The following GPAT3 variants were observed in gnomAD, a reference collection of about 807,000 sequenced individuals.
GPAT3 encodes the protein glycerol-3-phosphate acyltransferase 3.
GPAT3 carries 53 observed loss-of-function variants against 58.8 expected under a neutral mutation model. That is an observed-to-expected ratio of 0.90 (90% confidence interval 0.72 to 1.13). GPAT3 has a LOEUF of 1.13. GPAT3 is among the 50% of genes most tolerant of loss of function. The probability of loss-of-function intolerance (pLI) is 0.00; values close to 1 mark genes in which losing one functional copy is unlikely to be tolerated. For missense variants in GPAT3, 511 were observed against 527.6 expected, an observed-to-expected ratio of 0.97 and a Z score of 0.31; for synonymous variants, 197 against 187.4, an observed-to-expected ratio of 1.05 and a Z score of -0.42.
At chr4:83,596,756 T>G (rs73830724) in intron 7 of GPAT3, 102 bp from the exon 8 acceptor site, 1 of 877,414 alleles carries the variant, frequency 1.1e-6, no homozygotes, top group African/African-American at 1.7e-5. Flanking sequence ...TATTTTCTCC[T>G]TATTGCTTCA....
intron 2 of GPAT3, among the ~76,000 whole-genome samples, chr4:83,574,461 C>T (rs1445913063): frequency 6.6e-6 from 1 of 151,786 alleles, no homozygotes; most frequent in Admixed American, 6.6e-5. Context: ...CACAGGGGCA[C>T]AGGGCAGCTT....
chr4:83,575,823 A>G (rs1029093440), intron 2 of GPAT3, among the ~76,000 whole-genome samples: 3 of 152,246 alleles, frequency 2.0e-5, no homozygotes, highest in African/African-American at 7.2e-5. Flanking sequence ...TCTTAGGGAC[A>G]ACTGTCAGTT....
intron 3 of GPAT3, among the ~76,000 whole-genome samples, chr4:83,584,579 C>T (rs1726294771): frequency 6.6e-6 from 1 of 152,176 alleles, no homozygotes. Context: ...AATCTTGGGT[C>T]ACTGCAACCT....
chr4:83,557,053 A>G (rs547164553), intron 2 of GPAT3, among the ~76,000 whole-genome samples: 57 of 152,110 alleles, frequency 3.7e-4, no homozygotes, highest in Non-Finnish European at 7.4e-4. Context: ...TGAGGGCTCC[A>G]CCCTCATGAT....
chr4:83,544,023 C>T (rs556983151), intron 1 of GPAT3, among the ~76,000 whole-genome samples: 4 of 152,268 alleles, frequency 2.6e-5, no homozygotes, highest in Middle Eastern at 3.4e-3. Context: ...CATCTTTGAG[C>T]GTGTCCTACC....
chr4:83,604,587 A>G, intron 11 of GPAT3, 81 bp from the exon 12 acceptor site: 1 of 1,105,546 alleles, frequency 9.0e-7, no homozygotes. Context: ...TCATGGTATC[A>G]TGCAGCATGT....
chr4:83,588,349 G>A, intron 5 of GPAT3, 50 bp downstream of exon 5: 1 of 1,541,218 alleles, frequency 6.5e-7, no homozygotes, highest in Non-Finnish European at 9.0e-7. Flanking sequence ...AATTCAGCAT[G>A]AGATTGACAA....
intron 2 of GPAT3, among the ~76,000 whole-genome samples, chr4:83,560,282 A>T (rs1446656086): frequency 6.6e-6 from 1 of 152,188 alleles, no homozygotes; most frequent in Non-Finnish European, 1.5e-5. Context: ...AGCAAGAGGA[A>T]AGTGCAATGT....
At chr4:83,587,099 G>A (rs969567116) in intron 3 of GPAT3, among the ~76,000 whole-genome samples, 156 bp from the exon 4 acceptor site, 2 of 152,158 alleles carry the variant, frequency 1.3e-5, no homozygotes, top group South Asian at 2.1e-4. Flanking sequence ...TTCCGTGTTA[G>A]ATCTATATAG....
chr4:83,598,535 G>C, intron 10 of GPAT3, 109 bp from the exon 11 acceptor site: 3 of 967,718 alleles, frequency 3.1e-6, no homozygotes, highest in Non-Finnish European at 4.9e-6. Context: ...GAAAGCATTT[G>C]AGCTGAAATA....
Position 83,556,245 on chromosome 4 carries a change from T to C in GPAT3, c.208+11643T>C, listed in dbSNP as rs7683182. ...TTAATGTGGGCTGCCAGCCAAGATG[T>C]AGGTCAAGAGTGGGTTGTTAAAATG... On this transcript the variant is annotated intron_variant, in intron 2 of 11. Coordinates refer to ENST00000264409, the MANE Select transcript of GPAT3 (RefSeq NM_032717.5). Among the ~76,000 whole-genome samples, 365 of 152,316 alleles carry C rather than the reference T, an allele frequency of 2.4e-3. 2 individuals are homozygous for C. The highest frequency in any genetic ancestry group is 8.0e-3 in the African/African-American group (334 of 41,572).
At position 83,589,296 on chromosome 4, in the gene GPAT3, T is replaced by A. The variant is rs151281619; in HGVS notation, c.645-903T>A. ...TTCTCTGTATAGGCCCAAAGAAAAC[T>A]ACTTTGCTTTATTGGTGTCAAATAC... On this transcript the variant is annotated intron_variant, in intron 5 of 11. Transcript: ENST00000264409. 1.2e-3 allele frequency among the ~76,000 whole-genome samples: 185 copies of A among 152,352 alleles called. No individual in the cohort carries two copies. In the Middle Eastern group the frequency reaches 0.017, roughly 14 times the overall value.
chr4:83,594,995 A>G (rs749147040), intron 7 of GPAT3, 35 bp downstream of exon 7: 2 of 1,583,704 alleles, frequency 1.3e-6, no homozygotes, highest in South Asian at 2.2e-5. Flanking sequence ...TCACTGGAGT[A>G]GCATAAAAGC....
chr4:83,574,395 A>C (rs536729052), intron 2 of GPAT3, among the ~76,000 whole-genome samples: 55 of 152,270 alleles, frequency 3.6e-4, no homozygotes, highest in African/African-American at 1.3e-3. Context: ...TTCTGCCTTC[A>C]TTTCCACAGG....
intron 6 of GPAT3, among the ~76,000 whole-genome samples, chr4:83,593,166 CTTTT>C (rs761351611): frequency 8.9e-6 from 1 of 112,352 alleles, no homozygotes; most frequent in Non-Finnish European, 1.8e-5. Context: ...CGAGCCAGGA[CTTTT>C]TTTTTTTTTT....
intron 3 of GPAT3, among the ~76,000 whole-genome samples, chr4:83,584,253 T>C (rs1726281968): frequency 6.6e-6 from 1 of 152,228 alleles, no homozygotes; most frequent in Non-Finnish European, 1.5e-5. Flanking sequence ...TAAAGCAATG[T>C]AAACATTTAT....
intron 3 of GPAT3, among the ~76,000 whole-genome samples, chr4:83,583,855 G>T (rs1726263968): frequency 6.6e-6 from 1 of 151,602 alleles, no homozygotes; most frequent in Non-Finnish European, 1.5e-5. Context: ...CATGCCTGTA[G>T]TCCCAGCTAC....
intron 5 of GPAT3, among the ~76,000 whole-genome samples, chr4:83,588,715 C>G (rs530285942): frequency 6.6e-6 from 1 of 152,248 alleles, no homozygotes; most frequent in Non-Finnish European, 1.5e-5. Context: ...GTTGACAGGT[C>G]TGTACTGTGG....
chr4:83,604,917 C>A lies in GPAT3; in HGVS notation c.*150C>A. On this transcript the variant is annotated 3_prime_UTR_variant, in exon 12 of 12. Transcript: ENST00000264409. ...TACCTCTTTATGCCAGAGGCAGAAC[C>A]TACAGGTGCCCTTTTTGGCTTTTGT... The A allele has an allele frequency of 1.5e-6, 1 of 649,812 alleles. No individual in the cohort carries two copies. Among genetic ancestry groups the A allele is most frequent in the East Asian group, 2.9e-5 (1 of 34,756 alleles). 40.3% of individuals were successfully genotyped at this position (649,812 alleles called of 1,614,324 possible). A position where few individuals can be genotyped will look rare whatever the true frequency, so the allele number is the denominator to read the frequency against.
Sources: allele counts gnomAD v4.1 joint callset (sites outside exome capture counted in the v4.1 genomes callset), GRCh38; gene constraint gnomAD v4.1.1; transcripts MANE v1.5; gene names NCBI Gene and HGNC (gene_info 2026-07-23, HGNC 2026-07-21).